Variants in ST6GALNAC3 observed in about 807,000 individuals in gnomAD.
ST6GALNAC3 encodes alpha-N-acetylgalactosaminide alpha-2,6-sialyltransferase 3.
In ST6GALNAC3, 25 loss-of-function variants were observed where a neutral mutation model predicts 32.7. The ratio of observed to expected loss-of-function variants is 0.76; its 90% CI spans 0.56 to 1.07. The LOEUF is 1.07. Ranked by LOEUF, ST6GALNAC3 falls within the 50% of genes least tolerant of loss-of-function variation. The probability of loss-of-function intolerance (pLI) is 0.00; values close to 1 mark genes in which losing one functional copy is unlikely to be tolerated. For missense variants in ST6GALNAC3, 355 were observed against 382.4 expected (o/e 0.93, Z 0.60); for synonymous variants, 129 against 133.1 (o/e 0.97, Z 0.21).
At chr1:76,247,435 C>G (rs1657331941) in intron 1 of ST6GALNAC3, among the ~76,000 whole-genome samples, 1 of 152,198 alleles carries the variant, frequency 6.6e-6, no homozygotes, top group African/African-American at 2.4e-5. Context: ...GCCACCCCTC[C>G]CCCTAAGTGC....
At chr1:76,355,176 G>A (rs950496012) in intron 2 of ST6GALNAC3, among the ~76,000 whole-genome samples, 13 of 152,064 alleles carry the variant, frequency 8.5e-5, no homozygotes, top group Admixed American at 3.9e-4. Flanking sequence ...GATGCCATGC[G>A]GTCAGAATTT....
At chr1:76,220,476 T>C (rs1357487017) in intron 1 of ST6GALNAC3, among the ~76,000 whole-genome samples, 1 of 152,194 alleles carries the variant, frequency 6.6e-6, no homozygotes, top group Non-Finnish European at 1.5e-5. Context: ...TTAACTAATA[T>C]TTGAGGGCAT....
chr1:76,155,017 C>A (rs980023003), intron 1 of ST6GALNAC3, among the ~76,000 whole-genome samples: 11 of 152,158 alleles, frequency 7.2e-5, no homozygotes, highest in Non-Finnish European at 1.2e-4. Flanking sequence ...TTCCACCAAT[C>A]TTTTTATTTT....
intron 1 of ST6GALNAC3, among the ~76,000 whole-genome samples, chr1:76,196,596 G>C (rs971086711): frequency 3.9e-5 from 6 of 151,974 alleles, no homozygotes; most frequent in African/African-American, 1.5e-4. Context: ...CTCTCGAGTA[G>C]CTGGGATTAC....
At chr1:76,128,563 C>T (rs752325721) in intron 1 of ST6GALNAC3, among the ~76,000 whole-genome samples, 2 of 152,160 alleles carry the variant, frequency 1.3e-5, no homozygotes, top group African/African-American at 2.4e-5. Context: ...GCTGCTTCCC[C>T]GACAGCACAT....
chr1:76,304,304 G>A (rs1275282313), intron 1 of ST6GALNAC3, among the ~76,000 whole-genome samples: 1 of 151,790 alleles, frequency 6.6e-6, no homozygotes, highest in African/African-American at 2.4e-5. Context: ...AAAATTAAGG[G>A]GGAATCTTTC....
chr1:76,227,429 A>G (rs555398182), intron 1 of ST6GALNAC3, among the ~76,000 whole-genome samples: 1 of 152,324 alleles, frequency 6.6e-6, no homozygotes, highest in South Asian at 2.1e-4. Flanking sequence ...ATTTCCTTCT[A>G]GACAGTGAAG....
chr1:76,284,837 T>C (rs1158348471), intron 1 of ST6GALNAC3, among the ~76,000 whole-genome samples: 1 of 152,094 alleles, frequency 6.6e-6, no homozygotes, highest in Non-Finnish European at 1.5e-5. Flanking sequence ...CCATATGCCA[T>C]TGTCCTTCAG....
chr1:76,304,545 T>G (rs1660925546), intron 1 of ST6GALNAC3, among the ~76,000 whole-genome samples: 1 of 151,946 alleles, frequency 6.6e-6, no homozygotes, highest in Non-Finnish European at 1.5e-5. Context: ...AAGGTCACAG[T>G]AACTGGATAG....
chr1:76,411,806 G>A (rs530377968), intron 2 of ST6GALNAC3, among the ~76,000 whole-genome samples: 5 of 152,026 alleles, frequency 3.3e-5, no homozygotes, highest in African/African-American at 4.8e-5. Context: ...ATTTTTTGAC[G>A]GTATACTTTT....
chr1:76,207,005 T>G (rs17098357), intron 1 of ST6GALNAC3, among the ~76,000 whole-genome samples: 2,239 of 152,274 alleles, frequency 0.015, 48 homozygotes, highest in African/African-American at 0.044. Flanking sequence ...TTCTTAAGAA[T>G]TCCCAAAGAA....
intron 1 of ST6GALNAC3, among the ~76,000 whole-genome samples, chr1:76,295,199 A>G (rs1321348496): frequency 6.6e-6 from 1 of 152,014 alleles, no homozygotes; most frequent in Non-Finnish European, 1.5e-5. Flanking sequence ...GTTTAAAGCT[A>G]CCGAAGATAG....
chr1:76,257,975 GACTCAGAC>G (rs1658012411), intron 1 of ST6GALNAC3, among the ~76,000 whole-genome samples: 1 of 152,132 alleles, frequency 6.6e-6, no homozygotes, highest in Non-Finnish European at 1.5e-5. Flanking sequence ...GTTTCCCTCT[GACTCAGAC>G]ACTGGTATCC....
At chr1:76,144,235 G>A (rs1312361019) in intron 1 of ST6GALNAC3, among the ~76,000 whole-genome samples, 4 of 152,120 alleles carry the variant, frequency 2.6e-5, no homozygotes, top group African/African-American at 9.7e-5. Flanking sequence ...GGAGGAGAAA[G>A]GTCAAGGAGC....
Position 76,562,603 on chromosome 1 carries a change from A to G in ST6GALNAC3, c.624-64849A>G, listed in dbSNP as rs200640631. ...CCAAACGTCTGTCCACCATCTCCTGAGTTGGCCTGCCTATGTGGAGAATCA... is the reference window on the plus strand; with the variant it reads ...CCAAACGTCTGTCCACCATCTCCTGGGTTGGCCTGCCTATGTGGAGAATCA... On this transcript the variant is annotated intron_variant, in intron 3 of 4. Coordinates refer to ENST00000328299, the MANE Select transcript of ST6GALNAC3 (RefSeq NM_152996.4). Among the ~76,000 whole-genome samples, 3 of 152,188 alleles carry G rather than the reference A, an allele frequency of 2.0e-5. No individual in the cohort carries two copies. In the East Asian group the frequency reaches 5.8e-4, roughly 29 times the overall value.
At chr1:76,139,238 ACAAT>A (rs1195728177) in intron 1 of ST6GALNAC3, among the ~76,000 whole-genome samples, 3 of 152,124 alleles carry the variant, frequency 2.0e-5, no homozygotes, top group African/African-American at 7.2e-5. Context: ...ACATACATGC[ACAAT>A]CACACAAACA....
At chr1:76,452,764 G>C (rs983600401) in intron 3 of ST6GALNAC3, among the ~76,000 whole-genome samples, 1 of 152,034 alleles carries the variant, frequency 6.6e-6, no homozygotes, top group Non-Finnish European at 1.5e-5. Context: ...TCATTTCCTG[G>C]TTTTGGTATT....
At chr1:76,534,724 A>T (rs1204206162) in intron 3 of ST6GALNAC3, among the ~76,000 whole-genome samples, 1 of 152,188 alleles carries the variant, frequency 6.6e-6, no homozygotes, top group Non-Finnish European at 1.5e-5. Flanking sequence ...AACTCCATGA[A>T]GGTAGGTATT....
At chr1:76,120,138 A>G (rs1315538504) in intron 1 of ST6GALNAC3, among the ~76,000 whole-genome samples, 2 of 152,260 alleles carry the variant, frequency 1.3e-5, no homozygotes, top group East Asian at 3.8e-4. Context: ...TTTAGATGGA[A>G]ATAAAATATA....
Sources: allele counts gnomAD v4.1 joint callset (sites outside exome capture counted in the v4.1 genomes callset), GRCh38; gene constraint gnomAD v4.1.1; transcripts MANE v1.5; gene names NCBI Gene and HGNC (gene_info 2026-07-23, HGNC 2026-07-21).